Variants in TRPC3 observed in about 807,000 individuals in gnomAD.
TRPC3 encodes the protein transient receptor potential cation channel subfamily C member 3, also known as short transient receptor potential channel 3.
Under a neutral mutation model 90.9 loss-of-function variants are expected in TRPC3, and 54 were observed. That is an observed-to-expected ratio of 0.59 (90% CI 0.48 to 0.75). The LOEUF is 0.75. Among genes scored for constraint, TRPC3 ranks in the 30% least tolerant of loss-of-function variants. The pLI is 0.00. For synonymous variants in TRPC3, 424 were observed against 450.9 expected, an observed-to-expected ratio of 0.94 and a Z score of 0.75; for missense variants, 918 against 1,194.5, an observed-to-expected ratio of 0.77 and a Z score of 3.41.
rs1727866747 is a variant in TRPC3 at position 121,879,460 on chromosome 4, A to T, written c.*276T>A. 6.1e-6 allele frequency: 2 copies of T among 329,272 alleles called. No individual in the cohort carries two copies. 20.4% of individuals were successfully genotyped at this position (329,272 alleles called of 1,614,324 possible). On this transcript the variant is annotated 3_prime_UTR_variant, in exon 12 of 12. Transcript: ENST00000379645. ...TTGGAGGCAAACAGGTAGTGCAAAGATGTGGAGTTTACTCTAAAATGAATA... is the reference window on the plus strand; with the variant it reads ...TTGGAGGCAAACAGGTAGTGCAAAGTTGTGGAGTTTACTCTAAAATGAATA...
intron 3 of TRPC3, among the ~76,000 whole-genome samples, chr4:121,922,075 C>T (rs868709614): frequency 2.0e-4 from 30 of 151,862 alleles, no homozygotes; most frequent in Non-Finnish European, 3.2e-4. Context: ...CCTGCCACCA[C>T]GCCCGTCTAA....
chr4:121,881,964 A>C (rs914634147), intron 11 of TRPC3, among the ~76,000 whole-genome samples: 6 of 152,186 alleles, frequency 3.9e-5, no homozygotes, highest in Non-Finnish European at 7.4e-5. Flanking sequence ...GTTTTCCTGA[A>C]GACATGAATT....
chr4:121,898,332 C>T (rs1447489989), intron 10 of TRPC3, among the ~76,000 whole-genome samples: 1 of 152,184 alleles, frequency 6.6e-6, no homozygotes, highest in East Asian at 1.9e-4. Flanking sequence ...AAGTGACAGG[C>T]TGGCAAGCGA....
chr4:121,891,047 C>T (rs886781785), intron 10 of TRPC3, among the ~76,000 whole-genome samples: 5 of 152,014 alleles, frequency 3.3e-5, no homozygotes, highest in African/African-American at 1.2e-4. Context: ...GATACAGATC[C>T]ATCTATAGAA....
intron 1 of TRPC3, chr4:121,950,823 T>C (rs917508809): frequency 2.0e-5 from 3 of 152,316 alleles, no homozygotes; most frequent in African/African-American, 7.2e-5. Flanking sequence ...GGGGACCCTA[T>C]AGGGCTTCGG....
intron 10 of TRPC3, among the ~76,000 whole-genome samples, chr4:121,893,806 G>A (rs1414207595): frequency 2.6e-5 from 4 of 151,984 alleles, no homozygotes; most frequent in African/African-American, 9.7e-5. Context: ...AGCCCTTCAA[G>A]TAAAGCAAAT....
intron 10 of TRPC3, among the ~76,000 whole-genome samples, chr4:121,888,487 T>C (rs1042170118): frequency 2.0e-5 from 3 of 152,162 alleles, no homozygotes; most frequent in African/African-American, 4.8e-5. Context: ...TGAGTTGTGA[T>C]AGCCTCATTA....
chr4:121,904,514 T>C lies in TRPC3; in HGVS notation c.2061A>G (p.Val687=), dbSNP rs774146230. Residue 687 remains valine, a synonymous_variant, in exon 8 of 12, where the codon GTA becomes GTG. Transcript: ENST00000379645. The part of the protein sequence containing the change: ...GAKVNAAFTT[V]EESFKTLFWS... The stretch of plus-strand genomic sequence containing the variant: ...AAAATAAAGTCTTGAAACTTTCTTC[T>C]ACACTGTTGAAAAAATAAGATACAA... The C allele has an allele frequency of 2.6e-6, 4 of 1,543,222 alleles. No individual in the cohort carries two copies. The highest frequency in any genetic ancestry group is 3.5e-6 in the Non-Finnish European group (4 of 1,149,590).
chr4:121,895,335 TAA>T (rs1553937621), intron 10 of TRPC3, among the ~76,000 whole-genome samples: 1 of 150,950 alleles, frequency 6.6e-6, no homozygotes, highest in Non-Finnish European at 1.5e-5. Flanking sequence ...GAAGAAATAA[TAA>T]AGATTAGAGC....
chr4:121,907,361 C>T lies in TRPC3; in HGVS notation c.1999G>A (p.Gly667Ser). The change falls in exon 7 of 12, where the codon GGC (glycine) becomes AGC (serine). Residue 667 changes from glycine to serine, a missense_variant. Transcript: ENST00000379645. ...FIMVFFAFMIGMFILYSYYLG... is the reference protein window; with the variant it reads ...FIMVFFAFMISMFILYSYYLG... ...TAGTAAGAATAAAGTATGAACATGC[C>T]AATCATAAAGGCAAAAAACACCATA... 1.2e-6 allele frequency: 2 copies of T among 1,613,100 alleles called. No homozygotes were observed. Among genetic ancestry groups the T allele is most frequent in the Non-Finnish European group, 1.7e-6 (2 of 1,179,396 alleles).
rs754169576 is a variant in TRPC3, at chr4:121,914,979, A to G, written c.1177-35T>C. 3 of 1,558,362 alleles carry G rather than the reference A, an allele frequency of 1.9e-6. No individual in the cohort carries two copies. The Admixed American group carries it at 5.2e-5, about 27-fold the overall frequency. Reference sequence around the variant, plus strand: ...GAGAGAGAGTTTGAGAAGGGGAGAGAAAGGTAAGTTACCATACCATTGTCA... The same window carrying G: ...GAGAGAGAGTTTGAGAAGGGGAGAGGAAGGTAAGTTACCATACCATTGTCA... On this transcript the variant is annotated intron_variant, in intron 3 of 11. Transcript: ENST00000379645.
In TRPC3 at chr4:121,874,731, A is replaced by G. The variant is rs532352834; in HGVS notation, c.*5005T>C. ...CTCTTTAAAGACCCTATCTCCAACT[A>G]TAGTTATAGTCTGAGATACTGAAGG... On this transcript the variant is annotated 3_prime_UTR_variant, in exon 12 of 12. Transcript: ENST00000379645. Among the ~76,000 whole-genome samples the G allele has an allele frequency of 2.0e-5, 3 of 152,330 alleles. No homozygotes were observed. Among genetic ancestry groups the G allele is most frequent in the South Asian group, 4.1e-4 (2 of 4,832 alleles).
intron 2 of TRPC3, among the ~76,000 whole-genome samples, chr4:121,929,938 T>C (rs1302470530): frequency 6.6e-6 from 1 of 152,028 alleles, no homozygotes; most frequent in Non-Finnish European, 1.5e-5. Context: ...GCGAACACCA[T>C]GGAATAGGGC....
At position 121,903,246 on chromosome 4, in the gene TRPC3, C is replaced by A. The variant is rs373181517; in HGVS notation, c.2254-185G>T. Among the ~76,000 whole-genome samples, 12 of 152,144 alleles carry A rather than the reference C, an allele frequency of 7.9e-5. 1 individual carries two copies. In the South Asian group the frequency reaches 2.3e-3, roughly 29 times the overall value. On this transcript the variant is annotated intron_variant, in intron 8 of 11. Coordinates refer to ENST00000379645, the MANE Select transcript of TRPC3 (RefSeq NM_001130698.2). Reference sequence around the variant, plus strand: ...ATTTTTCAAATATAAGATACTCATTCTTTTTCATATGCCTCTACCTGTACC... The same window carrying A: ...ATTTTTCAAATATAAGATACTCATTATTTTTCATATGCCTCTACCTGTACC...
At chr4:121,930,319 C>A (rs758475703) in intron 2 of TRPC3, among the ~76,000 whole-genome samples, 1 of 152,078 alleles carries the variant, frequency 6.6e-6, no homozygotes, top group Non-Finnish European at 1.5e-5. Flanking sequence ...TTTTGCTTAA[C>A]CTTATAGATA....
intron 6 of TRPC3, among the ~76,000 whole-genome samples, chr4:121,909,767 T>C (rs1208975219): frequency 1.4e-4 from 22 of 152,094 alleles, no homozygotes; most frequent in Admixed American, 1.4e-3. Flanking sequence ...TATTATCTTA[T>C]CTCCTTGAAC....
intron 1 of TRPC3, among the ~76,000 whole-genome samples, chr4:121,939,834 C>T (rs1730244408): frequency 6.6e-6 from 1 of 152,166 alleles, no homozygotes; most frequent in African/African-American, 2.4e-5. Flanking sequence ...AAGCAGCACT[C>T]AAGTAGACAT....
chr4:121,938,353 G>A (rs1730199449), intron 1 of TRPC3, among the ~76,000 whole-genome samples: 1 of 152,214 alleles, frequency 6.6e-6, no homozygotes, highest in African/African-American at 2.4e-5. Context: ...GAAATTTCAA[G>A]GTCATCTATG....
rs1475977297 is a variant in TRPC3 at position 121,876,076 on chromosome 4, A to AT, written c.*3659dup. Among the ~76,000 whole-genome samples, 9 of 151,264 alleles carry AT rather than the reference A, an allele frequency of 5.9e-5. No homozygotes were observed. In the East Asian group the frequency reaches 1.8e-3, roughly 30 times the overall value. On this transcript the variant is annotated 3_prime_UTR_variant, in exon 12 of 12. Transcript: ENST00000379645. ...ACCATGCCCGGCTAATTTTTTTTGT[A>AT]TTTTTTGTAGAGACAGTTTCACCAT...
Sources: allele counts gnomAD v4.1 joint callset (sites outside exome capture counted in the v4.1 genomes callset), GRCh38; gene constraint gnomAD v4.1.1; transcripts MANE v1.5; gene names NCBI Gene and HGNC (gene_info 2026-07-23, HGNC 2026-07-21).